The following LRFN5 variants were observed in gnomAD, a reference collection of about 807,000 sequenced individuals.
LRFN5 encodes the protein leucine-rich repeat and fibronectin type-III domain-containing protein 5.
A neutral mutation model predicts 45.6 loss-of-function variants in LRFN5; 24 were observed. The observed-to-expected ratio is 0.53, with a 90% CI of 0.38 to 0.74. The LOEUF (loss-of-function observed/expected upper bound fraction) is 0.74. Ranked by LOEUF, LRFN5 falls within the 30% of genes least tolerant of loss-of-function variation. LRFN5 has a pLI of 0.00. For synonymous variants in LRFN5, 340 were observed against 313.8 expected (o/e 1.08, Z -0.88); for missense variants, 776 against 861.5 (o/e 0.90, Z 1.24).
intron 2 of LRFN5, among the ~76,000 whole-genome samples, chr14:41,790,491 TG>T (rs1303469740): frequency 2.0e-5 from 3 of 151,942 alleles, no homozygotes; most frequent in Non-Finnish European, 4.4e-5. Context: ...TATTTTAATA[TG>T]TTTTTTTCCT....
At chr14:41,790,136 G>C (rs567014397) in intron 2 of LRFN5, among the ~76,000 whole-genome samples, 6 of 151,754 alleles carry the variant, frequency 4.0e-5, no homozygotes, top group South Asian at 2.1e-4. Flanking sequence ...GGACTATTCA[G>C]GTTTTCCATT....
chr14:41,673,801 A>ACC (rs1249040783), intron 1 of LRFN5, among the ~76,000 whole-genome samples: 1 of 105,930 alleles, frequency 9.4e-6, no homozygotes, highest in Non-Finnish European at 2.0e-5. Flanking sequence ...GCGGGGGGTG[A>ACC]CCCCCCCCAC....
At chr14:41,751,938 C>T (rs149905864) in intron 1 of LRFN5, among the ~76,000 whole-genome samples, 11 of 152,160 alleles carry the variant, frequency 7.2e-5, no homozygotes, top group East Asian at 1.9e-4. Flanking sequence ...CAACAGGCCC[C>T]GGTGTGTGAT....
chr14:41,687,338 T>C (rs1040114489), intron 1 of LRFN5, among the ~76,000 whole-genome samples: 3 of 152,026 alleles, frequency 2.0e-5, no homozygotes, highest in African/African-American at 7.2e-5. Flanking sequence ...TAGGAAACAA[T>C]AGATGCTGGT....
chr14:41,898,865 T>G, intron 4 of LRFN5, 52 bp from the exon 5 acceptor site: 1 of 1,512,208 alleles, frequency 6.6e-7, no homozygotes. Flanking sequence ...TTTTTGAATC[T>G]ATTTCTTTTA....
intron 2 of LRFN5, among the ~76,000 whole-genome samples, chr14:41,877,464 A>C (rs1890224347): frequency 6.6e-6 from 1 of 152,174 alleles, no homozygotes; most frequent in Non-Finnish European, 1.5e-5. Context: ...CCTCATCTAT[A>C]AAATAAAGAA....
At chr14:41,864,055 CT>C (rs1348889445) in intron 2 of LRFN5, among the ~76,000 whole-genome samples, 3 of 152,160 alleles carry the variant, frequency 2.0e-5, no homozygotes, top group Non-Finnish European at 4.4e-5. Context: ...TCCACATTTG[CT>C]TTATCCAGTC....
chr14:41,675,495 C>G (rs1013131380), intron 1 of LRFN5, among the ~76,000 whole-genome samples: 13 of 152,112 alleles, frequency 8.5e-5, no homozygotes, highest in South Asian at 8.3e-4. Context: ...CGCAGGCACT[C>G]GGCAGGCTGA....
chr14:41,886,599 G>A lies in LRFN5; in HGVS notation c.-20-7G>A, dbSNP rs753936305. The A allele has an allele frequency of 4.3e-5, 65 of 1,519,352 alleles. No homozygotes were observed. In the South Asian group the frequency reaches 4.4e-4, roughly 10 times the overall value. The allele number at this position is 1,519,352 out of a possible 1,614,324, so 94.1% of individuals were successfully genotyped here. ...GCTAACATTCTATTTTGTGTCTTCC[G>A]TTACAGGCTCTTAAACCTGATCTAC... is the stretch of plus-strand genomic sequence containing the variant. On this transcript the variant is annotated splice_region_variant and splice_polypyrimidine_tract_variant and intron_variant, in intron 2 of 5. Transcript: ENST00000298119.
intron 1 of LRFN5, among the ~76,000 whole-genome samples, chr14:41,694,562 G>A (rs914667360): frequency 6.6e-6 from 1 of 151,632 alleles, no homozygotes; most frequent in Admixed American, 6.6e-5. Context: ...TCTGTATATG[G>A]GCATTCCTTG....
At chr14:41,618,819 A>G (rs1244250121) in intron 1 of LRFN5, among the ~76,000 whole-genome samples, 1 of 152,172 alleles carries the variant, frequency 6.6e-6, no homozygotes, top group African/African-American at 2.4e-5. Context: ...AATATCTACC[A>G]TAGCTAAGCA....
intron 2 of LRFN5, among the ~76,000 whole-genome samples, chr14:41,850,902 G>A (rs1461341659): frequency 3.3e-5 from 5 of 151,678 alleles, no homozygotes; most frequent in Non-Finnish European, 7.4e-5. Flanking sequence ...AAAAAAATAT[G>A]TGTTACTGAA....
In LRFN5 at chr14:41,690,932, A is replaced by AT. The variant is rs544986335; in HGVS notation, c.-196-75917dup. On this transcript the variant is annotated intron_variant, in intron 1 of 5. Transcript: ENST00000298119. ...GTGAACTCTTGTTTATATTTTTAAT[A>AT]TTTTTAGGCTTATTAGTGATAAGCC... 3.5e-3 allele frequency among the ~76,000 whole-genome samples: 536 copies of AT among 152,086 alleles called. 5 individuals carry two copies. Among genetic ancestry groups the AT allele is most frequent in the Non-Finnish European group, 5.0e-3 (341 of 67,940 alleles).
intron 1 of LRFN5, among the ~76,000 whole-genome samples, chr14:41,642,710 G>A (rs982498460): frequency 3.9e-5 from 6 of 152,102 alleles, no homozygotes; most frequent in Non-Finnish European, 5.9e-5. Flanking sequence ...TGACAGAAAG[G>A]CAATACATCT....
chr14:41,833,635 T>C (rs979294387), intron 2 of LRFN5, among the ~76,000 whole-genome samples: 3 of 152,240 alleles, frequency 2.0e-5, no homozygotes, highest in African/African-American at 7.2e-5. Flanking sequence ...TTATTCATAT[T>C]TGTGCAAAGA....
chr14:41,736,558 C>A (rs12437068), intron 1 of LRFN5, among the ~76,000 whole-genome samples: 1 of 151,898 alleles, frequency 6.6e-6, no homozygotes, highest in African/African-American at 2.4e-5. Flanking sequence ...CTGTTCACTT[C>A]GGTGATAGTT....
At chr14:41,806,171 A>G (rs1441153391) in intron 2 of LRFN5, among the ~76,000 whole-genome samples, 1 of 152,194 alleles carries the variant, frequency 6.6e-6, no homozygotes, top group Admixed American at 6.6e-5. Flanking sequence ...AGTCTGAGAA[A>G]TAAGCCTAAT....
chr14:41,876,277 C>CTTTTTTTTTTTT (rs34291427), intron 2 of LRFN5, among the ~76,000 whole-genome samples: 68 of 100,582 alleles, frequency 6.8e-4, no homozygotes, highest in Non-Finnish European at 7.9e-4. Context: ...CTTTTTCTTT[C>CTTTTTTTTTTTT]TTTTTTTTTT....
At chr14:41,650,260 C>CAT (rs1381412053) in intron 1 of LRFN5, among the ~76,000 whole-genome samples, 2 of 139,702 alleles carry the variant, frequency 1.4e-5, no homozygotes, top group African/African-American at 5.5e-5. Context: ...CACACACACA[C>CAT]ACACACAAAA....
Sources: allele counts gnomAD v4.1 joint callset (sites outside exome capture counted in the v4.1 genomes callset), GRCh38; gene constraint gnomAD v4.1.1; transcripts MANE v1.5; gene names NCBI Gene and HGNC (gene_info 2026-07-23, HGNC 2026-07-21).